The following INPP4B variants were observed in gnomAD, a reference collection of about 807,000 sequenced individuals.
The protein encoded by INPP4B is inositol polyphosphate-4-phosphatase type II B, also known as inositol polyphosphate 4-phosphatase type II.
A neutral mutation model predicts 122.5 loss-of-function variants in INPP4B; 55 were observed. The ratio of observed to expected loss-of-function variants is 0.45; its 90% confidence interval spans 0.36 to 0.56. The LOEUF (loss-of-function observed/expected upper bound fraction) is 0.56, where lower values mean the gene tolerates loss of function less well. Ranked by LOEUF, INPP4B falls within the 20% of genes least tolerant of loss-of-function variation. INPP4B has a pLI of 0.00. For synonymous variants in INPP4B, 403 were observed against 388.7 expected, an observed-to-expected ratio of 1.04 and a Z score of -0.43; for missense variants, 1,000 against 1,097.7, an observed-to-expected ratio of 0.91 and a Z score of 1.26.
intron 7 of INPP4B, among the ~76,000 whole-genome samples, chr4:142,374,598 G>C (rs1791151015): frequency 6.6e-6 from 1 of 151,782 alleles, no homozygotes; most frequent in African/African-American, 2.4e-5. Context: ...GGATCCTTCA[G>C]TTTTGTCAAG....
At chr4:142,491,644 G>A (rs1821890062) in intron 2 of INPP4B, among the ~76,000 whole-genome samples, 2 of 152,106 alleles carry the variant, frequency 1.3e-5, no homozygotes, top group South Asian at 4.2e-4. Flanking sequence ...GCAACAGAGT[G>A]AGACTTCATG....
At chr4:142,488,652 A>G (rs931437104) in intron 2 of INPP4B, among the ~76,000 whole-genome samples, 2 of 152,100 alleles carry the variant, frequency 1.3e-5, no homozygotes, top group Non-Finnish European at 2.9e-5. Flanking sequence ...ATCTAAAATT[A>G]TAGAATTTAT....
intron 25 of INPP4B, among the ~76,000 whole-genome samples, chr4:142,031,650 C>T (rs1274336497): frequency 6.6e-6 from 1 of 152,076 alleles, no homozygotes; most frequent in African/African-American, 2.4e-5. Context: ...GTATGAGTAA[C>T]TTGGTTACTA....
chr4:142,059,441 A>G lies in INPP4B; in HGVS notation c.2642+22590T>C, dbSNP rs573773900. On this transcript the variant is annotated intron_variant, in intron 25 of 25. Coordinates refer to ENST00000262992, the MANE Select transcript of INPP4B (RefSeq NM_001101669.3). The stretch of plus-strand genomic sequence containing the variant: ...CTTAATACCCTAAAAGACTTAATCT[A>G]TCATCATGTATCTGTATGTGATTCT... 3.3e-5 allele frequency among the ~76,000 whole-genome samples: 5 copies of G among 152,236 alleles called. 1 individual carries two copies. In the South Asian group the frequency reaches 1.0e-3, roughly 32 times the overall value.
intron 10 of INPP4B, among the ~76,000 whole-genome samples, chr4:142,263,680 A>ATATATATATATATATAT (rs61694410): frequency 3.5e-4 from 29 of 81,930 alleles, no homozygotes; most frequent in South Asian, 5.0e-4. Flanking sequence ...ATATATATAT[A>ATATATATATATATATAT]ACATTGAACA....
intron 7 of INPP4B, among the ~76,000 whole-genome samples, chr4:142,375,884 G>A (rs1306064030): frequency 6.6e-6 from 1 of 151,852 alleles, no homozygotes; most frequent in African/African-American, 2.4e-5. Flanking sequence ...ACTTTTTGCT[G>A]CGTGAGGGAA....
intron 1 of INPP4B, among the ~76,000 whole-genome samples, chr4:142,840,681 CA>C (rs1269403509): frequency 2.0e-5 from 3 of 151,996 alleles, no homozygotes; most frequent in African/African-American, 7.2e-5. Flanking sequence ...GAATATATTG[CA>C]CTTAAAATGA....
chr4:142,262,008 C>G (rs1232209921), intron 10 of INPP4B, among the ~76,000 whole-genome samples: 1 of 152,130 alleles, frequency 6.6e-6, no homozygotes, highest in Non-Finnish European at 1.5e-5. Context: ...TGCACTTCCT[C>G]TAATCCACAG....
chr4:142,739,865 G>C (rs1767646276), intron 1 of INPP4B, among the ~76,000 whole-genome samples: 1 of 151,872 alleles, frequency 6.6e-6, no homozygotes. Flanking sequence ...TAATCACTTG[G>C]TATTTCTTTC....
At chr4:142,211,633 A>G (rs1013463272) in intron 12 of INPP4B, among the ~76,000 whole-genome samples, 10 of 152,344 alleles carry the variant, frequency 6.6e-5, no homozygotes, top group African/African-American at 2.4e-4. Context: ...TGTGAAACAA[A>G]TCTAAAGAAG....
At position 142,705,878 on chromosome 4, in the gene INPP4B, G is replaced by T. The variant is rs183645067; in HGVS notation, c.-191+19961C>A. On this transcript the variant is annotated intron_variant, in intron 2 of 25. Coordinates refer to ENST00000262992, the MANE Select transcript of INPP4B (RefSeq NM_001101669.3). Reference sequence around the variant, plus strand: ...TCCAGGCTGCCAGCCTTACTCCTTGGTATCTATTCTCCACAGTGCAACCTG... The same window carrying T: ...TCCAGGCTGCCAGCCTTACTCCTTGTTATCTATTCTCCACAGTGCAACCTG... Among the ~76,000 whole-genome samples the T allele has an allele frequency of 1.2e-3, 185 of 152,268 alleles. 1 individual carries two copies. The highest frequency in any genetic ancestry group is 4.4e-3 in the African/African-American group (183 of 41,542).
chr4:142,454,960 T>C (rs1237133915), intron 3 of INPP4B, among the ~76,000 whole-genome samples: 1 of 152,022 alleles, frequency 6.6e-6, no homozygotes, highest in African/African-American at 2.4e-5. Context: ...TTGGAGAAGT[T>C]AACCTTAATA....
intron 18 of INPP4B, among the ~76,000 whole-genome samples, chr4:142,134,338 A>G (rs1290562677): frequency 6.6e-6 from 1 of 152,170 alleles, no homozygotes. Context: ...TGGACTTGCC[A>G]AGATCCTGGC....
intron 2 of INPP4B, among the ~76,000 whole-genome samples, chr4:142,590,400 G>T (rs1737171886): frequency 6.6e-6 from 1 of 152,190 alleles, no homozygotes; most frequent in Non-Finnish European, 1.5e-5. Flanking sequence ...TTGCAAATGT[G>T]TTTAGTGATT....
At chr4:142,266,075 A>C (rs1742641409) in intron 10 of INPP4B, among the ~76,000 whole-genome samples, 1 of 152,190 alleles carries the variant, frequency 6.6e-6, no homozygotes, top group Non-Finnish European at 1.5e-5. Flanking sequence ...ACACAGTTAC[A>C]GGTCTAGGCA....
intron 7 of INPP4B, among the ~76,000 whole-genome samples, chr4:142,396,424 A>G (rs1799393252): frequency 1.3e-5 from 2 of 152,186 alleles, no homozygotes; most frequent in Non-Finnish European, 2.9e-5. Context: ...ATACCACTTC[A>G]TACCCACTAA....
At chr4:142,153,117 C>T (rs1307177384) in intron 17 of INPP4B, among the ~76,000 whole-genome samples, 1 of 152,142 alleles carries the variant, frequency 6.6e-6, no homozygotes, top group African/African-American at 2.4e-5. Context: ...TTAAATAAAA[C>T]ATTTAATAAG....
intron 7 of INPP4B, among the ~76,000 whole-genome samples, chr4:142,393,681 G>C (rs1798439363): frequency 1.3e-5 from 2 of 152,194 alleles, no homozygotes; most frequent in African/African-American, 4.8e-5. Flanking sequence ...AAACTTAGGA[G>C]TATGTGTCTG....
intron 1 of INPP4B, among the ~76,000 whole-genome samples, chr4:142,821,668 G>A (rs912388144): frequency 6.6e-6 from 1 of 151,908 alleles, no homozygotes; most frequent in African/African-American, 2.4e-5. Flanking sequence ...CAAATAGAAC[G>A]ATATCTTTTT....
Sources: allele counts gnomAD v4.1 joint callset (sites outside exome capture counted in the v4.1 genomes callset), GRCh38; gene constraint gnomAD v4.1.1; transcripts MANE v1.5; gene names NCBI Gene and HGNC (gene_info 2026-07-23, HGNC 2026-07-21).